The following SEMA5A variants were observed in gnomAD, a reference collection of about 807,000 sequenced individuals.
SEMA5A encodes semaphorin-5A.
In SEMA5A, 55 loss-of-function variants were observed where a neutral mutation model predicts 135.5. The observed-to-expected ratio is 0.41, with a 90% confidence interval of 0.33 to 0.51. The LOEUF (loss-of-function observed/expected upper bound fraction) is 0.51, where lower values mean the gene tolerates loss of function less well. Ranked by LOEUF, SEMA5A falls within the 20% of genes least tolerant of loss-of-function variation. The probability of loss-of-function intolerance (pLI) is 0.37; values close to 1 mark genes in which losing one functional copy is unlikely to be tolerated. For missense variants in SEMA5A, 1,290 were observed against 1,419.9 expected (o/e 0.91, Z 1.47); for synonymous variants, 580 against 546.5 (o/e 1.06, Z -0.85).
chr5:9,392,548 C>A (rs1235563764), intron 2 of SEMA5A, among the ~76,000 whole-genome samples: 1 of 152,070 alleles, frequency 6.6e-6, no homozygotes, highest in Non-Finnish European at 1.5e-5. Flanking sequence ...TTTCCAGAGG[C>A]CTTTGTCCTC....
intron 3 of SEMA5A, among the ~76,000 whole-genome samples, chr5:9,353,094 G>GA (rs199823276): frequency 0.6 from 22,037 of 37,026 alleles, 7,900 homozygotes; most frequent in East Asian, 0.75. Flanking sequence ...GAAAGGAAAG[G>GA]AAGGAAGGAA....
intron 21 of SEMA5A, among the ~76,000 whole-genome samples, chr5:9,048,973 T>A (rs1015735276): frequency 6.6e-6 from 1 of 152,118 alleles, no homozygotes; most frequent in Non-Finnish European, 1.5e-5. Flanking sequence ...TCTGATGATA[T>A]GATTGCTTGT....
chr5:9,408,111 T>C (rs971387174), intron 2 of SEMA5A, among the ~76,000 whole-genome samples: 1 of 150,896 alleles, frequency 6.6e-6, no homozygotes, highest in Admixed American at 6.6e-5. Flanking sequence ...AACACTACCA[T>C]CACCACCACC....
At chr5:9,181,683 C>T (rs1370005781) in intron 11 of SEMA5A, among the ~76,000 whole-genome samples, 1 of 152,146 alleles carries the variant, frequency 6.6e-6, no homozygotes, top group African/African-American at 2.4e-5. Flanking sequence ...TTGATAGAAA[C>T]ACGTTCCTCT....
At chr5:9,270,902 C>G (rs1749939910) in intron 5 of SEMA5A, among the ~76,000 whole-genome samples, 1 of 152,138 alleles carries the variant, frequency 6.6e-6, no homozygotes, top group Non-Finnish European at 1.5e-5. Context: ...TGCCTATTTT[C>G]TGATCACTTG....
chr5:9,300,737 G>C (rs1034421062), intron 5 of SEMA5A, among the ~76,000 whole-genome samples: 2 of 152,142 alleles, frequency 1.3e-5, no homozygotes, highest in African/African-American at 4.8e-5. Flanking sequence ...AAATCCAGTT[G>C]CAAGTATCCT....
chr5:9,341,373 T>G (rs548464013), intron 3 of SEMA5A, among the ~76,000 whole-genome samples: 18 of 151,982 alleles, frequency 1.2e-4, no homozygotes, highest in Non-Finnish European at 2.4e-4. Context: ...TACTGCTTTC[T>G]AAGGAATCAG....
chr5:9,414,008 T>G (rs999393681), intron 2 of SEMA5A, among the ~76,000 whole-genome samples: 4 of 152,148 alleles, frequency 2.6e-5, no homozygotes, highest in African/African-American at 9.7e-5. Flanking sequence ...TTTCCTAACT[T>G]TTTTTCAATC....
intron 3 of SEMA5A, among the ~76,000 whole-genome samples, chr5:9,347,910 T>C (rs16882463): frequency 0.015 from 2,338 of 152,326 alleles, 92 homozygotes; most frequent in East Asian, 0.13. Flanking sequence ...TTGTAACCAA[T>C]TGAAATGCAC....
chr5:9,374,998 T>G (rs2126456092), intron 3 of SEMA5A, among the ~76,000 whole-genome samples: 1 of 152,320 alleles, frequency 6.6e-6, no homozygotes, highest in African/African-American at 2.4e-5. Flanking sequence ...ACCTCATTCC[T>G]TCCCATCGCC....
chr5:9,232,170 CAT>C (rs1367175056), intron 6 of SEMA5A, among the ~76,000 whole-genome samples: 3 of 152,132 alleles, frequency 2.0e-5, no homozygotes, highest in Non-Finnish European at 1.5e-5. Flanking sequence ...TTGGTTTTGT[CAT>C]ATAGCATTTC....
chr5:9,251,939 C>G (rs766471803), intron 5 of SEMA5A, among the ~76,000 whole-genome samples: 31 of 152,158 alleles, frequency 2.0e-4, no homozygotes, highest in Non-Finnish European at 4.3e-4. Flanking sequence ...AGCTTAACAA[C>G]TTGCCAAAGA....
chr5:9,096,272 C>T (rs1052595085), intron 16 of SEMA5A, among the ~76,000 whole-genome samples: 2 of 152,078 alleles, frequency 1.3e-5, no homozygotes, highest in African/African-American at 4.8e-5. Context: ...TAATGTTATA[C>T]GTTAGGTCTT....
At chr5:9,275,094 T>C (rs1410491942) in intron 5 of SEMA5A, among the ~76,000 whole-genome samples, 2 of 150,786 alleles carry the variant, frequency 1.3e-5, no homozygotes, top group Non-Finnish European at 3.0e-5. Flanking sequence ...GCCAGACTAA[T>C]AAAGAAAAAA....
At chr5:9,378,465 C>T (rs748864284) in intron 3 of SEMA5A, among the ~76,000 whole-genome samples, 13 of 152,148 alleles carry the variant, frequency 8.5e-5, no homozygotes, top group Non-Finnish European at 1.3e-4. Flanking sequence ...GAAGGAAATA[C>T]GCTGCACTAC....
intron 11 of SEMA5A, among the ~76,000 whole-genome samples, chr5:9,179,376 T>C (rs1272572706): frequency 6.6e-6 from 1 of 152,164 alleles, no homozygotes; most frequent in Non-Finnish European, 1.5e-5. Context: ...GTCACCTGTC[T>C]CAGGTGGGTC....
At chr5:9,319,777 T>C (rs1752544531) in intron 4 of SEMA5A, among the ~76,000 whole-genome samples, 1 of 140,660 alleles carries the variant, frequency 7.1e-6, no homozygotes, top group Non-Finnish European at 1.5e-5. Context: ...CACTTCTTAT[T>C]GGTTTTACAA....
intron 1 of SEMA5A, among the ~76,000 whole-genome samples, chr5:9,474,635 T>C (rs1287439389): frequency 6.6e-6 from 1 of 152,234 alleles, no homozygotes; most frequent in African/African-American, 2.4e-5. Flanking sequence ...TCAAAGTGAA[T>C]TGAATGTGCC....
intron 12 of SEMA5A, among the ~76,000 whole-genome samples, chr5:9,150,823 C>G (rs1742595258): frequency 6.6e-6 from 1 of 152,190 alleles, no homozygotes; most frequent in Non-Finnish European, 1.5e-5. Context: ...GGTTGAGCCT[C>G]TCTCAGAAGA....
Sources: allele counts gnomAD v4.1 joint callset (sites outside exome capture counted in the v4.1 genomes callset), GRCh38; gene constraint gnomAD v4.1.1; transcripts MANE v1.5; gene names NCBI Gene and HGNC (gene_info 2026-07-23, HGNC 2026-07-21).